ADCY7: variants seen among roughly 807,000 people sequenced by gnomAD.
ADCY7 encodes adenylate cyclase type 7.
ADCY7 carries 72 observed loss-of-function variants against 120.6 expected under a neutral mutation model. That is an observed-to-expected ratio of 0.60 (90% CI 0.49 to 0.73). The LOEUF is 0.73. Among genes scored for constraint, ADCY7 ranks in the 30% least tolerant of loss-of-function variants. The probability of loss-of-function intolerance (pLI) is 0.00; values close to 1 mark genes in which losing one functional copy is unlikely to be tolerated. For missense variants in ADCY7, 1,227 were observed against 1,486.0 expected (o/e 0.83, Z 2.87); for synonymous variants, 661 against 628.0 (o/e 1.05, Z -0.78).
Position 50,292,712 on chromosome 16 carries a change from C to CT in ADCY7, c.575dup (p.Thr193AspfsTer66). ...CGCAGTCATCTTCCTGTGTGGGAAC[C>CT]TGACAGGCGCCTTCCACAAGCACCA... On this transcript the variant is annotated frameshift_variant, in exon 5 of 26. Coordinates refer to ENST00000673801, the MANE Select transcript of ADCY7 (RefSeq NM_001114.5). LOFTEE classifies it high-confidence loss of function. 2.5e-6 allele frequency: 4 copies of CT among 1,614,010 alleles called. No individual in the cohort carries two copies. Among genetic ancestry groups the CT allele is most frequent in the Non-Finnish European group, 3.4e-6 (4 of 1,179,996 alleles).
chr16:50,286,221 C>T (rs897888658), intron 1 of ADCY7, among the ~76,000 whole-genome samples: 1 of 151,136 alleles, frequency 6.6e-6, no homozygotes, highest in Non-Finnish European at 1.5e-5. Flanking sequence ...GGCAAAACCC[C>T]ATCTCTACAA....
Position 50,312,139 on chromosome 16 carries a change from AC to A in ADCY7, c.2553del (p.Asn851LysfsTer16). 1 of 1,614,186 alleles carries A rather than the reference AC, an allele frequency of 6.2e-7. No individual in the cohort carries two copies. Among genetic ancestry groups the A allele is most frequent in the Admixed American group, 1.7e-5 (1 of 60,030 alleles). On this transcript the variant is annotated frameshift_variant, in exon 21 of 26. Transcript: ENST00000673801. LOFTEE classifies it high-confidence loss of function. ...MENVNRLLLE[N>X]VLPAHVAAHF... ...AACGTGAACCGCCTTCTTCTGGAGA[AC>A]GTCCTGCCAGCCCACGTGGCTGCCC...
chr16:50,280,097 A>T (rs1296121314), intron 1 of ADCY7, among the ~76,000 whole-genome samples: 2 of 152,224 alleles, frequency 1.3e-5, no homozygotes, highest in African/African-American at 2.4e-5. Context: ...TAGGCTATTT[A>T]TTACTAATTC....
At chr16:50,269,246 G>A (rs1206274272) in intron 1 of ADCY7, among the ~76,000 whole-genome samples, 1 of 152,190 alleles carries the variant, frequency 6.6e-6, no homozygotes, top group Admixed American at 6.5e-5. Context: ...CAGCAGATCG[G>A]TCCTCAGGCA....
chr16:50,253,119 C>A (rs2032808678), intron 1 of ADCY7, among the ~76,000 whole-genome samples: 1 of 152,188 alleles, frequency 6.6e-6, no homozygotes, highest in Non-Finnish European at 1.5e-5. Flanking sequence ...TTCTCTGTCC[C>A]CTGTTGCAGA....
At chr16:50,257,225 T>G (rs952647239) in intron 1 of ADCY7, among the ~76,000 whole-genome samples, 9 of 149,218 alleles carry the variant, frequency 6.0e-5, no homozygotes, top group African/African-American at 1.7e-4. Context: ...ACAAAACAAA[T>G]GCAAAAGACC....
chr16:50,301,108 T>A lies in ADCY7; in HGVS notation c.1262T>A (p.Leu421Gln). ...CGGGTGCACATCACGGAGGCCACGC[T>A]AAAGCACCTGGACAAGGCGTACGAG... ...PGRVHITEAT[L>Q]KHLDKAYEVE... The change falls in exon 10 of 26, where the codon CTA becomes CAA. Residue 421 changes from leucine (L) to glutamine (Q), a missense_variant. By Grantham distance (113) the Leu-to-Gln change is moderately radical (BLOSUM62 -2). Coordinates refer to ENST00000673801, the MANE Select transcript of ADCY7 (RefSeq NM_001114.5). The A allele has an allele frequency of 1.2e-6, 2 of 1,613,890 alleles. No homozygotes were observed. Among genetic ancestry groups the A allele is most frequent in the Non-Finnish European group, 8.5e-7 (1 of 1,179,926 alleles).
At chr16:50,279,161 C>T (rs527360807) in intron 1 of ADCY7, among the ~76,000 whole-genome samples, 5 of 152,274 alleles carry the variant, frequency 3.3e-5, no homozygotes, top group South Asian at 2.1e-4. Context: ...TGTGAGCCAC[C>T]GTGCCAGGTC....
At chr16:50,291,180 G>A (rs144846186) in intron 3 of ADCY7, among the ~76,000 whole-genome samples, 6 of 152,292 alleles carry the variant, frequency 3.9e-5, no homozygotes, top group Non-Finnish European at 8.8e-5. Context: ...GTCACCAAGC[G>A]GTAGCACACT....
At chr16:50,266,378 C>G (rs764968800), upstream of ADCY7, 3 of 152,726 alleles carry the variant, frequency 2.0e-5, no homozygotes, top group African/African-American at 7.2e-5. Context: ...CATTGGAGCC[C>G]GACAGCTCCC....
rs150930330 is a variant in ADCY7, at chr16:50,291,923, G to A, written c.537+26G>A. The A allele has an allele frequency of 6.3e-4, 998 of 1,581,972 alleles. 6 individuals carry two copies. In the African/African-American group the frequency reaches 0.012, roughly 19 times the overall value. On this transcript the variant is annotated intron_variant, in intron 4 of 25. Coordinates refer to ENST00000673801, the MANE Select transcript of ADCY7 (RefSeq NM_001114.5). The stretch of plus-strand genomic sequence containing the variant: ...GTGAGGGATGGGCTAAGGCCTCTGG[G>A]GGAGGTTTTGTGGTCTGGGTCTAAG...
intron 1 of ADCY7, among the ~76,000 whole-genome samples, chr16:50,273,279 C>A (rs563284902): frequency 8.5e-5 from 13 of 152,324 alleles, no homozygotes; most frequent in African/African-American, 3.1e-4. Flanking sequence ...GGTCACACAG[C>A]TCCTCCAAGG....
At chr16:50,305,139 C>T (rs2035975462) in intron 12 of ADCY7, among the ~76,000 whole-genome samples, 180 bp downstream of exon 12, 1 of 152,228 alleles carries the variant, frequency 6.6e-6, no homozygotes, top group African/African-American at 2.4e-5. Flanking sequence ...CCTGGCCCTT[C>T]TGCATGGCCA....
chr16:50,291,384 G>A (rs1257663719), intron 3 of ADCY7, among the ~76,000 whole-genome samples: 1 of 152,042 alleles, frequency 6.6e-6, no homozygotes, highest in African/African-American at 2.4e-5. Context: ...ATTGCTGGAG[G>A]CAGCTGGTGA....
intron 17 of ADCY7, chr16:50,309,185 G>A (rs1003169235): frequency 9.2e-5 from 29 of 315,048 alleles, no homozygotes; most frequent in African/African-American, 5.6e-4. Flanking sequence ...CCCAGACCCC[G>A]CATCCTGGGC....
At chr16:50,313,170 A>C in intron 22 of ADCY7, 134 bp downstream of exon 22, 2 of 1,248,222 alleles carry the variant, frequency 1.6e-6, no homozygotes, top group Non-Finnish European at 2.2e-6. Flanking sequence ...TAATCCCAGC[A>C]CTTTGGGAGG....
intron 1 of ADCY7, among the ~76,000 whole-genome samples, chr16:50,246,781 C>T (rs376761323): frequency 6.6e-6 from 1 of 152,238 alleles, no homozygotes; most frequent in African/African-American, 2.4e-5. Context: ...AGATGCCTTG[C>T]ACATGAGGAA....
chr16:50,293,528 A>G (rs2302712), intron 6 of ADCY7, 26 bp downstream of exon 6: 825,410 of 1,609,648 alleles, frequency 0.51, 216,702 homozygotes, highest in Non-Finnish European at 0.55. Context: ...TGTGATTAGC[A>G]TATCCCGGGG....
intron 13 of ADCY7, 77 bp from the exon 14 acceptor site, chr16:50,305,700 C>T (rs952269905): frequency 5.3e-6 from 8 of 1,498,762 alleles, no homozygotes; most frequent in African/African-American, 1.4e-5. Context: ...TTGTTCCTTC[C>T]CCCTGCCTGC....
Sources: allele counts gnomAD v4.1 joint callset (sites outside exome capture counted in the v4.1 genomes callset), GRCh38; gene constraint gnomAD v4.1.1; transcripts MANE v1.5; gene names NCBI Gene and HGNC (gene_info 2026-07-23, HGNC 2026-07-21).